Variants in ZNF385B observed in about 807,000 individuals in gnomAD.
ZNF385B encodes the protein zinc finger protein 533.
A neutral mutation model predicts 39.2 loss-of-function variants in ZNF385B; 23 were observed. The observed-to-expected ratio is 0.59, with a 90% CI of 0.42 to 0.83. The LOEUF (loss-of-function observed/expected upper bound fraction) is 0.83. ZNF385B is among the 40% of genes least tolerant of loss of function. ZNF385B has a pLI of 0.00. For missense variants in ZNF385B, 552 were observed against 598.9 expected, an observed-to-expected ratio of 0.92 and a Z score of 0.82; for synonymous variants, 205 against 222.6, an observed-to-expected ratio of 0.92 and a Z score of 0.70.
At chr2:179,625,881 T>C (rs745431150) in intron 3 of ZNF385B, among the ~76,000 whole-genome samples, 48 of 151,774 alleles carry the variant, frequency 3.2e-4, no homozygotes, top group Admixed American at 5.9e-4. Flanking sequence ...CACAAACATG[T>C]CTCCTAAAGA....
chr2:179,826,415 A>T (rs190315614), intron 1 of ZNF385B, among the ~76,000 whole-genome samples: 3 of 152,280 alleles, frequency 2.0e-5, no homozygotes, highest in Admixed American at 2.0e-4. Context: ...AAAAGACACC[A>T]TTCTAACTCT....
intron 4 of ZNF385B, among the ~76,000 whole-genome samples, chr2:179,540,807 G>C (rs2059875371): frequency 6.6e-6 from 1 of 152,104 alleles, no homozygotes; most frequent in African/African-American, 2.4e-5. Flanking sequence ...AATGTAATCT[G>C]GGGCTACTTT....
At position 179,483,316 on chromosome 2, in the gene ZNF385B, C is replaced by T. The variant is rs1273008332; in HGVS notation, c.671G>A (p.Ser224Asn). 6.2e-7 allele frequency: 1 copy of T among 1,613,932 alleles called. No individual in the cohort carries two copies. Among genetic ancestry groups the T allele is most frequent in the Admixed American group, 1.7e-5 (1 of 59,968 alleles). ...PSKDSAKANP[S>N]CSITPITGNN... ...GCCTGTGATTGGAGTGATGGAGCAG[C>T]TGGGATTAGCCTTTGCGCTGTCCTT... Residue 224 changes from serine to asparagine, a missense_variant, in exon 6 of 10, where the codon AGC becomes AAC. Physicochemically the swap from Ser to Asn is conservative, Grantham distance 46. Transcript: ENST00000410066.
At chr2:179,443,987 T>G (rs1049725812) in intron 9 of ZNF385B, among the ~76,000 whole-genome samples, 1 of 152,212 alleles carries the variant, frequency 6.6e-6, no homozygotes, top group Non-Finnish European at 1.5e-5. Context: ...TAATGAGTAG[T>G]CCTTGAAAAA....
chr2:179,610,824 T>C lies in ZNF385B; in HGVS notation c.299-65855A>G, dbSNP rs983517660. Among the ~76,000 whole-genome samples, 6 of 152,130 alleles carry C rather than the reference T, an allele frequency of 3.9e-5. No homozygotes were observed. The South Asian group carries it at 6.2e-4, about 16-fold the overall frequency. ...GCCATTGTAAATAAGATTATTTTCTTGATTTCATTTTTAGATTGATCTCTT... is the reference window on the plus strand; with the variant it reads ...GCCATTGTAAATAAGATTATTTTCTCGATTTCATTTTTAGATTGATCTCTT... On this transcript the variant is annotated intron_variant, in intron 3 of 9. Transcript: ENST00000410066.
At chr2:179,650,555 G>A (rs1693107460) in intron 3 of ZNF385B, among the ~76,000 whole-genome samples, 1 of 152,176 alleles carries the variant, frequency 6.6e-6, no homozygotes, top group African/African-American at 2.4e-5. Context: ...TCATGCTTGA[G>A]CTTAGTGCAA....
At chr2:179,493,784 C>CTATATGCAT (rs2055798042) in intron 5 of ZNF385B, among the ~76,000 whole-genome samples, 1 of 88,512 alleles carries the variant, frequency 1.1e-5, no homozygotes, top group Non-Finnish European at 2.4e-5. Flanking sequence ...TGTATATACA[C>CTATATGCAT]ATATGTATAC....
intron 3 of ZNF385B, among the ~76,000 whole-genome samples, chr2:179,624,967 G>GT (rs1435285068): frequency 1.2e-5 from 1 of 83,552 alleles, no homozygotes; most frequent in African/African-American, 5.0e-5. Context: ...TCTTCTAAAT[G>GT]TTCAAGTGAT....
chr2:179,752,307 G>A (rs1702729577), intron 3 of ZNF385B, among the ~76,000 whole-genome samples: 1 of 152,114 alleles, frequency 6.6e-6, no homozygotes, highest in Non-Finnish European at 1.5e-5. Flanking sequence ...GTGTATATAT[G>A]CCACATTTTC....
At chr2:179,777,577 A>G (rs1704402273) in intron 1 of ZNF385B, among the ~76,000 whole-genome samples, 1 of 152,068 alleles carries the variant, frequency 6.6e-6, no homozygotes, top group Admixed American at 6.5e-5. Context: ...CTTAAGCACT[A>G]TATTTTTTAA....
At chr2:179,703,742 CCAAA>C (rs1334636725) in intron 3 of ZNF385B, among the ~76,000 whole-genome samples, 2 of 152,156 alleles carry the variant, frequency 1.3e-5, no homozygotes, top group African/African-American at 4.8e-5. Context: ...TTTCTTGCAA[CCAAA>C]CAAATATTGA....
intron 4 of ZNF385B, among the ~76,000 whole-genome samples, chr2:179,542,943 A>T (rs1222170656): frequency 6.6e-6 from 1 of 152,132 alleles, no homozygotes; most frequent in Non-Finnish European, 1.5e-5. Flanking sequence ...GAATTTTTGG[A>T]GTAAGTATTC....
At chr2:179,827,707 A>G (rs1340187234) in intron 1 of ZNF385B, among the ~76,000 whole-genome samples, 1 of 152,216 alleles carries the variant, frequency 6.6e-6, no homozygotes, top group Non-Finnish European at 1.5e-5. Context: ...AGTTGATGTA[A>G]ACATTGCCTT....
chr2:179,480,672 A>T (rs1405982960), intron 6 of ZNF385B, among the ~76,000 whole-genome samples: 1 of 151,354 alleles, frequency 6.6e-6, no homozygotes, highest in Admixed American at 6.6e-5. Context: ...ACAAAAGAAC[A>T]TGTATCTATT....
chr2:179,738,087 T>A (rs1701876070), intron 3 of ZNF385B, among the ~76,000 whole-genome samples: 1 of 152,182 alleles, frequency 6.6e-6, no homozygotes, highest in Non-Finnish European at 1.5e-5. Flanking sequence ...TGCCTTTTGC[T>A]TCAGTAACAC....
chr2:179,849,924 G>A (rs1485785904), intron 1 of ZNF385B, among the ~76,000 whole-genome samples: 4 of 152,196 alleles, frequency 2.6e-5, no homozygotes, highest in Admixed American at 2.6e-4. Context: ...TGATGGGTAT[G>A]CAGCACAACC....
At chr2:179,807,135 T>C (rs1269064981) in intron 1 of ZNF385B, among the ~76,000 whole-genome samples, 1 of 152,138 alleles carries the variant, frequency 6.6e-6, no homozygotes, top group African/African-American at 2.4e-5. Context: ...CATTGGTAAA[T>C]GGATATGAAA....
At chr2:179,577,802 T>TAA (rs5836686) in intron 3 of ZNF385B, among the ~76,000 whole-genome samples, 4 of 150,036 alleles carry the variant, frequency 2.7e-5, no homozygotes, top group East Asian at 1.9e-4. Context: ...CTGTCTTTAC[T>TAA]AAAAAAAAAT....
At chr2:179,681,827 A>G (rs902143362) in intron 3 of ZNF385B, among the ~76,000 whole-genome samples, 4 of 152,252 alleles carry the variant, frequency 2.6e-5, no homozygotes, top group Non-Finnish European at 5.9e-5. Flanking sequence ...ACGTTTGGCC[A>G]GAAGTATTAA....
Sources: gnomAD v4.1 joint callset for allele counts (sites outside exome capture counted in the v4.1 genomes callset) on GRCh38, gnomAD v4.1.1 for gene constraint, MANE v1.5 for transcripts, NCBI Gene and HGNC (gene_info 2026-07-23, HGNC 2026-07-21) for gene names.